Variants in CD8B2 observed in about 807,000 individuals in gnomAD.
The protein encoded by CD8B2 is CD8B family member 2.
CD8B2 carries 11 observed loss-of-function variants against 23.7 expected under a neutral mutation model. The ratio of observed to expected loss-of-function variants is 0.46; its 90% CI spans 0.29 to 0.77. The LOEUF is 0.77. CD8B2 is among the 30% of genes least tolerant of loss of function. The probability of loss-of-function intolerance (pLI) is 0.09; values close to 1 mark genes in which losing one functional copy is unlikely to be tolerated. For synonymous variants in CD8B2, 90 were observed against 109.3 expected (o/e 0.82, Z 1.10); for missense variants, 197 against 270.5 (o/e 0.73, Z 1.91).
At chr2:106,505,807 G>A (rs1439607048) in intron 5 of CD8B2, among the ~76,000 whole-genome samples, 2 of 152,138 alleles carry the variant, frequency 1.3e-5, no homozygotes. Flanking sequence ...AATAACTTGA[G>A]TGTAGCTGTC....
downstream of CD8B2, among the ~76,000 whole-genome samples, chr2:106,512,536 C>T (rs1679652674): frequency 6.6e-6 from 1 of 152,146 alleles, no homozygotes; most frequent in South Asian, 2.1e-4. Flanking sequence ...GCCATCATGG[C>T]TCACTGCAGC....
At chr2:106,541,923 G>A (rs900483000) in intron 5 of CD8B2, among the ~76,000 whole-genome samples, 10 of 152,164 alleles carry the variant, frequency 6.6e-5, no homozygotes, top group Non-Finnish European at 1.3e-4. Context: ...TACAGCCTCT[G>A]CCAGCCATCC....
intron 5 of CD8B2, among the ~76,000 whole-genome samples, chr2:106,532,611 A>G (rs763737697): frequency 2.6e-5 from 4 of 152,214 alleles, no homozygotes; most frequent in Non-Finnish European, 4.4e-5. Context: ...TGGATTATTC[A>G]TGAGTTTTCT....
At chr2:106,532,419 A>G (rs1680000688) in intron 5 of CD8B2, among the ~76,000 whole-genome samples, 1 of 152,208 alleles carries the variant, frequency 6.6e-6, no homozygotes, top group Admixed American at 6.5e-5. Flanking sequence ...CCAGACCCCA[A>G]GAGAGGACTT....
At chr2:106,534,575 A>G (rs1680057664) in intron 5 of CD8B2, among the ~76,000 whole-genome samples, 1 of 152,138 alleles carries the variant, frequency 6.6e-6, no homozygotes, top group Non-Finnish European at 1.5e-5. Flanking sequence ...GAACTGGTGA[A>G]TTTGACAGAA....
At chr2:106,523,576 T>C (rs1022159499) in intron 5 of CD8B2, among the ~76,000 whole-genome samples, 12 of 152,200 alleles carry the variant, frequency 7.9e-5, no homozygotes, top group Non-Finnish European at 1.2e-4. Flanking sequence ...GGGCAATGTT[T>C]GGCTTTCTAG....
intron 3 of CD8B2, among the ~76,000 whole-genome samples, chr2:106,499,302 G>A (rs1260383454): frequency 3.9e-5 from 6 of 152,160 alleles, no homozygotes; most frequent in African/African-American, 1.4e-4. Context: ...GGAGGCCAAA[G>A]CTGGTGGATC....
intron 5 of CD8B2, among the ~76,000 whole-genome samples, chr2:106,517,068 T>C (rs4270339): frequency 0.49 from 73,147 of 149,212 alleles, 18,080 homozygotes; most frequent in East Asian, 0.73. Context: ...ATTATCGATT[T>C]CATTAATAAT....
At chr2:106,518,297 G>A (rs1365512794) in intron 5 of CD8B2, among the ~76,000 whole-genome samples, 1 of 152,154 alleles carries the variant, frequency 6.6e-6, no homozygotes, top group Non-Finnish European at 1.5e-5. Flanking sequence ...ACATTATTTA[G>A]GAGTTACAAA....
chr2:106,523,251 C>T (rs1334615763), intron 5 of CD8B2, among the ~76,000 whole-genome samples: 12 of 152,156 alleles, frequency 7.9e-5, no homozygotes, highest in African/African-American at 1.2e-4. Context: ...AAGTGATCCT[C>T]GATCACCTGG....
At chr2:106,512,563 C>A (rs1679653510), downstream of CD8B2, among the ~76,000 whole-genome samples, 1 of 152,086 alleles carries the variant, frequency 6.6e-6, no homozygotes, top group Non-Finnish European at 1.5e-5. Context: ...CTCCCTGACT[C>A]AAGCAAGTAG....
At chr2:106,527,806 A>AAAACAAACAAAC (rs70953587) in intron 5 of CD8B2, among the ~76,000 whole-genome samples, 3 of 151,086 alleles carry the variant, frequency 2.0e-5, no homozygotes, top group Admixed American at 6.6e-5. Flanking sequence ...AACAAAACAA[A>AAAACAAACAAAC]AAACAAACAA....
Position 106,502,580 on chromosome 2 carries a change from T to G in CD8B2, c.583+17T>G, listed in dbSNP as rs1679432026. Reference sequence around the variant, plus strand: ...ACCTGTGCTGTGAGTTGTCTCCTCTTGGGTTGTTGGGTGTCCCTGTTTGCT... The same window carrying G: ...ACCTGTGCTGTGAGTTGTCTCCTCTGGGGTTGTTGGGTGTCCCTGTTTGCT... On this transcript the variant is annotated intron_variant, in intron 4 of 5. Transcript: ENST00000643224. 1 of 1,362,000 alleles carries G rather than the reference T, an allele frequency of 7.3e-7. No individual in the cohort carries two copies. The highest frequency in any genetic ancestry group is 1.0e-6 in the Non-Finnish European group (1 of 982,732). 84.4% of individuals were successfully genotyped at this position (1,362,000 alleles called of 1,614,324 possible).
intron 3 of CD8B2, among the ~76,000 whole-genome samples, chr2:106,499,078 T>C (rs962884490): frequency 1.2e-4 from 18 of 152,120 alleles, no homozygotes; most frequent in African/African-American, 4.3e-4. Context: ...CAGCAACTTT[T>C]CCCGGAGAGT....
At chr2:106,533,164 G>A (rs1245461184) in intron 5 of CD8B2, among the ~76,000 whole-genome samples, 2 of 152,182 alleles carry the variant, frequency 1.3e-5, no homozygotes, top group African/African-American at 4.8e-5. Context: ...TGCACCTGTG[G>A]TCCCAGGGGA....
chr2:106,502,750 T>A (rs1679436754), intron 4 of CD8B2, among the ~76,000 whole-genome samples, 187 bp downstream of exon 4: 2 of 152,126 alleles, frequency 1.3e-5, no homozygotes, highest in Non-Finnish European at 2.9e-5. Context: ...GACCACCCTG[T>A]CCCTGGAGTC....
intron 5 of CD8B2, among the ~76,000 whole-genome samples, chr2:106,525,979 C>T (rs775145396): frequency 5.9e-5 from 9 of 152,210 alleles, no homozygotes; most frequent in Non-Finnish European, 8.8e-5. Flanking sequence ...TGGTGGCTTA[C>T]GCCTGTAATT....
At chr2:106,540,858 C>T (rs373337772) in intron 5 of CD8B2, among the ~76,000 whole-genome samples, 1 of 152,186 alleles carries the variant, frequency 6.6e-6, no homozygotes, top group African/African-American at 2.4e-5. Context: ...CCACTGTGCC[C>T]GGCCCCAAAT....
intron 5 of CD8B2, among the ~76,000 whole-genome samples, chr2:106,523,331 T>C (rs950543864): frequency 2.0e-5 from 3 of 152,186 alleles, no homozygotes; most frequent in Admixed American, 6.5e-5. Context: ...TCTGTACAAG[T>C]AGACAAAGCC....
Sources: allele counts gnomAD v4.1 joint callset (sites outside exome capture counted in the v4.1 genomes callset), GRCh38; gene constraint gnomAD v4.1.1; transcripts MANE v1.5; gene names NCBI Gene and HGNC (gene_info 2026-07-23, HGNC 2026-07-21).